Variants in PRKAR1B observed in about 807,000 individuals in gnomAD.
The protein encoded by PRKAR1B is protein kinase cAMP-dependent type I regulatory subunit beta, also known as cAMP-dependent protein kinase type I-beta regulatory subunit.
In PRKAR1B, 22 loss-of-function variants were observed where a neutral mutation model predicts 46.5. The ratio of observed to expected loss-of-function variants is 0.47; its 90% CI spans 0.34 to 0.68. PRKAR1B has a LOEUF of 0.68. Ranked by LOEUF, PRKAR1B falls within the 30% of genes least tolerant of loss-of-function variation. The pLI is 0.01. For synonymous variants in PRKAR1B, 259 were observed against 217.7 expected, an observed-to-expected ratio of 1.19 and a Z score of -1.67; for missense variants, 445 against 535.6, an observed-to-expected ratio of 0.83 and a Z score of 1.67.
chr7:721,085 G>T, intron 1 of PRKAR1B, among the ~76,000 whole-genome samples: 1 of 152,218 alleles, frequency 6.6e-6, no homozygotes, highest in South Asian at 2.1e-4. Context: ...CAACCCATCG[G>T]TCTATCGGCA....
intron 4 of PRKAR1B, among the ~76,000 whole-genome samples, chr7:668,064 G>A (rs141212407): frequency 6.6e-6 from 1 of 152,286 alleles, no homozygotes; most frequent in Non-Finnish European, 1.5e-5. Flanking sequence ...TGATGATGGG[G>A]ATATCTGTCT....
At chr7:592,380 C>T (rs1352024125) in intron 7 of PRKAR1B, among the ~76,000 whole-genome samples, 2 of 152,258 alleles carry the variant, frequency 1.3e-5, no homozygotes, top group African/African-American at 4.8e-5. Context: ...CCCTTCCCGG[C>T]CCCATTGGCT....
intron 4 of PRKAR1B, among the ~76,000 whole-genome samples, chr7:670,323 C>CGCCAGGCCAGGGG (rs1786164861): frequency 6.6e-6 from 1 of 152,230 alleles, no homozygotes; most frequent in South Asian, 2.1e-4. Flanking sequence ...CCTGCAACCA[C>CGCCAGGCCAGGGG]GCCAGGCCAG....
chr7:726,851 C>A lies in PRKAR1B; in HGVS notation c.-23+359G>T. 1.5e-6 allele frequency: 2 copies of A among 1,319,038 alleles called. No individual in the cohort carries two copies. Among genetic ancestry groups the A allele is most frequent in the Admixed American group, 3.8e-5 (1 of 26,412 alleles). The allele number at this position is 1,319,038 out of a possible 1,614,324, so 81.7% of individuals were successfully genotyped here. On this transcript the variant is annotated intron_variant, in intron 1 of 10. Transcript: ENST00000537384. ...CCGGGGCTGGAGGCCGACAGCAAGCCGGGCCGGCGGCGCGCCTTGGAGGCC... is the reference window on the plus strand; with the variant it reads ...CCGGGGCTGGAGGCCGACAGCAAGCAGGGCCGGCGGCGCGCCTTGGAGGCC...
intron 6 of PRKAR1B, among the ~76,000 whole-genome samples, chr7:599,617 G>T (rs1350821911): frequency 6.6e-6 from 1 of 152,220 alleles, no homozygotes; most frequent in Non-Finnish European, 1.5e-5. Flanking sequence ...AAACAATGGG[G>T]GTCCCCCGCG....
chr7:668,023 C>T (rs146554270), intron 4 of PRKAR1B, among the ~76,000 whole-genome samples: 21 of 152,320 alleles, frequency 1.4e-4, no homozygotes, highest in African/African-American at 4.1e-4. Context: ...CACACTGTTA[C>T]GGATCGACAA....
At chr7:672,500 G>A (rs118029088) in intron 4 of PRKAR1B, among the ~76,000 whole-genome samples, 10,556 of 151,648 alleles carry the variant, frequency 0.07, 558 homozygotes, top group Middle Eastern at 0.17. Flanking sequence ...TCCACCCACC[G>A]CACTGTTCCC....
At chr7:571,334 G>A (rs1313909139) in intron 9 of PRKAR1B, among the ~76,000 whole-genome samples, 1 of 152,116 alleles carries the variant, frequency 6.6e-6, no homozygotes, top group Non-Finnish European at 1.5e-5. Flanking sequence ...GGTCCTCCAG[G>A]GGTGCTGTTT....
intron 8 of PRKAR1B, among the ~76,000 whole-genome samples, chr7:583,451 A>G (rs371437366): frequency 8.4e-6 from 1 of 119,232 alleles, no homozygotes; most frequent in East Asian, 2.3e-4. Flanking sequence ...GCACACTCAC[A>G]CCCACTCACA....
chr7:704,667 G>A (rs1172463539), intron 2 of PRKAR1B, among the ~76,000 whole-genome samples: 1 of 152,166 alleles, frequency 6.6e-6, no homozygotes, highest in Admixed American at 6.5e-5. Flanking sequence ...TACTCGGGAG[G>A]CTGAGGCAGG....
chr7:587,626 G>C (rs1308151166), intron 7 of PRKAR1B, among the ~76,000 whole-genome samples: 2 of 152,240 alleles, frequency 1.3e-5, no homozygotes, highest in African/African-American at 4.8e-5. Flanking sequence ...GGGAAAATGA[G>C]GGACCACCAC....
chr7:628,821 ACCCCCAAGTCAGGCTCAAGGAC>A (rs200215285), intron 4 of PRKAR1B, among the ~76,000 whole-genome samples: 258 of 22,158 alleles, frequency 0.012, 2 homozygotes, highest in South Asian at 0.02. Context: ...TTCCTCGCCC[ACCCCCAAGTCAGGCTCAAGGAC>A]CCCCCAAGTC....
Position 556,696 on chromosome 7 carries a change from T to C in PRKAR1B, c.892-5226A>G, listed in dbSNP as rs1266680776. On this transcript the variant is annotated intron_variant, in intron 9 of 10. Transcript: ENST00000537384. ...GCCAGAGGAAGGTGTTTGGTGCCTG[T>C]GGATCGGGAACAGTTCCCCACGCAC... Among the ~76,000 whole-genome samples, 5 of 152,292 alleles carry C rather than the reference T, an allele frequency of 3.3e-5. No homozygotes were observed. The East Asian group carries it at 9.7e-4, about 29-fold the overall frequency.
intron 6 of PRKAR1B, among the ~76,000 whole-genome samples, chr7:605,879 G>A (rs914968322): frequency 2.6e-5 from 4 of 152,176 alleles, no homozygotes; most frequent in African/African-American, 4.8e-5. Flanking sequence ...CGGATCTGGA[G>A]ACGGCGCTGG....
chr7:683,217 C>T (rs971125314), intron 2 of PRKAR1B, among the ~76,000 whole-genome samples: 2 of 152,196 alleles, frequency 1.3e-5, no homozygotes, highest in Non-Finnish European at 2.9e-5. Context: ...GCTCTGGGGT[C>T]CTGGGGTCTG....
chr7:620,754 TA>T (rs201065096), intron 4 of PRKAR1B, among the ~76,000 whole-genome samples: 12,480 of 152,220 alleles, frequency 0.082, 1,417 homozygotes, highest in African/African-American at 0.26. Flanking sequence ...ATCTTCTCTC[TA>T]CCCTTCCAAT....
At chr7:635,613 GCCTCCCAGGC>G (rs903963775) in intron 4 of PRKAR1B, among the ~76,000 whole-genome samples, 13 of 152,192 alleles carry the variant, frequency 8.5e-5, no homozygotes, top group Non-Finnish European at 2.9e-5. Context: ...CTCCTCCGCT[GCCTCCCAGGC>G]CCTCCCAGAC....
intron 1 of PRKAR1B, chr7:726,951 G>C: frequency 7.5e-7 from 1 of 1,330,114 alleles, no homozygotes; most frequent in Non-Finnish European, 9.7e-7. Flanking sequence ...CGCGCCTACT[G>C]CTGCCGCGCT....
In PRKAR1B at chr7:714,120, GGGTAGACT is replaced by G. The variant is rs1044961255; in HGVS notation, c.-22-2601_-22-2594del. Among the ~76,000 whole-genome samples the G allele has an allele frequency of 4.5e-4, 68 of 152,246 alleles. No individual in the cohort carries two copies. Among genetic ancestry groups the G allele is most frequent in the African/African-American group, 1.6e-3 (67 of 41,558 alleles). ...TCCTCCAATTACTCCTGCTCCTCCA[GGGTAGACT>G]GGTGAGGACAGCAAAAAAGACCCAG... On this transcript the variant is annotated intron_variant, in intron 1 of 10. Transcript: ENST00000537384. The surrounding 1 kb of genome is among the most constrained non-coding windows in gnomAD (Gnocchi z 4.3).
Sources: allele counts gnomAD v4.1 joint callset (sites outside exome capture counted in the v4.1 genomes callset), GRCh38; gene constraint gnomAD v4.1.1; non-coding constraint Gnocchi (gnomAD v3.1); transcripts MANE v1.5; gene names NCBI Gene and HGNC (gene_info 2026-07-23, HGNC 2026-07-21).